Variants in PEF1 observed in about 807,000 individuals in gnomAD.
PEF1 encodes the protein peflin.
PEF1 carries 17 observed loss-of-function variants against 32.0 expected under a neutral mutation model. The observed-to-expected ratio is 0.53, with a 90% CI of 0.36 to 0.80. The LOEUF (loss-of-function observed/expected upper bound fraction) is 0.80. Ranked by LOEUF, PEF1 falls within the 30% of genes least tolerant of loss-of-function variation. The pLI is 0.00. For synonymous variants in PEF1, 130 were observed against 139.8 expected (o/e 0.93, Z 0.50); for missense variants, 362 against 369.1 (o/e 0.98, Z 0.16).
At chr1:31,635,614 TC>T (rs1288324530) in intron 1 of PEF1, 92 bp from the exon 2 acceptor site, 5 of 1,206,310 alleles carry the variant, frequency 4.1e-6, no homozygotes, top group African/African-American at 1.6e-5. Context: ...TCCACCACCA[TC>T]CTTTCAACTG....
intron 2 of PEF1, 79 bp downstream of exon 2, chr1:31,635,143 C>A: frequency 6.5e-7 from 1 of 1,547,640 alleles, no homozygotes; most frequent in South Asian, 1.2e-5. Flanking sequence ...TGCCTGCACA[C>A]CCACAGGAAG....
intron 1 of PEF1, among the ~76,000 whole-genome samples, chr1:31,641,308 C>T (rs1640385340): frequency 6.6e-6 from 1 of 152,164 alleles, no homozygotes; most frequent in Admixed American, 6.5e-5. Flanking sequence ...TCTCTTTAGC[C>T]TAGATTACCT....
At chr1:31,644,793 C>T (rs541852283) in intron 1 of PEF1, 48 bp downstream of exon 1, 1 of 1,612,862 alleles carries the variant, frequency 6.2e-7, no homozygotes, top group South Asian at 1.1e-5. Flanking sequence ...GTCGGGCCTG[C>T]GCCTGGCACC....
At chr1:31,635,776 A>G (rs368272884) in intron 1 of PEF1, among the ~76,000 whole-genome samples, 8 of 152,120 alleles carry the variant, frequency 5.3e-5, no homozygotes, top group Non-Finnish European at 1.0e-4. Context: ...TTTCCTGCAC[A>G]TCAAGGGGCT....
At chr1:31,644,342 G>A in intron 1 of PEF1, 1 of 980,698 alleles carries the variant, frequency 1.0e-6, no homozygotes, top group Non-Finnish European at 1.2e-6. Flanking sequence ...CACGCGAAAT[G>A]GCGGTGTTGA....
chr1:31,641,924 A>T (rs138734923), intron 1 of PEF1, among the ~76,000 whole-genome samples: 1 of 152,284 alleles, frequency 6.6e-6, no homozygotes, highest in East Asian at 1.9e-4. Context: ...TACTATTATG[A>T]CCCCATTCTA....
chr1:31,640,759 G>T (rs747205283), intron 1 of PEF1, among the ~76,000 whole-genome samples: 2 of 151,984 alleles, frequency 1.3e-5, no homozygotes, highest in Non-Finnish European at 2.9e-5. Flanking sequence ...CAGAAAGTCC[G>T]GTATTTTTTT....
chr1:31,631,095 G>C (rs1450080798), intron 4 of PEF1, among the ~76,000 whole-genome samples: 1 of 152,144 alleles, frequency 6.6e-6, no homozygotes, highest in Non-Finnish European at 1.5e-5. Context: ...CTTCAACTGA[G>C]GCTCAGGGGA....
At chr1:31,640,697 A>G (rs1171519308) in intron 1 of PEF1, among the ~76,000 whole-genome samples, 2 of 152,144 alleles carry the variant, frequency 1.3e-5, no homozygotes, top group Non-Finnish European at 2.9e-5. Context: ...TGGAATCTCT[A>G]CCTGCACTTG....
intron 2 of PEF1, among the ~76,000 whole-genome samples, chr1:31,633,977 C>A (rs566319631): frequency 4.4e-4 from 66 of 151,156 alleles, no homozygotes; most frequent in East Asian, 9.7e-4. Flanking sequence ...AACAAAAAAA[C>A]CCAAAAAAAA....
intron 1 of PEF1, among the ~76,000 whole-genome samples, chr1:31,637,468 G>A (rs938239438): frequency 6.6e-6 from 1 of 151,900 alleles, no homozygotes; most frequent in African/African-American, 2.4e-5. Flanking sequence ...AACATAGTAA[G>A]ATCCCACCTC....
At position 31,630,572 on chromosome 1, in the gene PEF1, G is replaced by A; in HGVS notation, c.*41C>T. 1 of 1,577,396 alleles carries A rather than the reference G, an allele frequency of 6.3e-7. No individual in the cohort carries two copies. The highest frequency in any genetic ancestry group is 1.1e-5 in the South Asian group (1 of 89,438). On this transcript the variant is annotated 3_prime_UTR_variant, in exon 5 of 5. Transcript: ENST00000373703. ...TACTTCTCTCACTCTAAGAAGCCAG[G>A]AAAGGTCCCTGGTGCACTCCACTCT... is the stretch of plus-strand genomic sequence containing the variant.
intron 1 of PEF1, among the ~76,000 whole-genome samples, chr1:31,643,667 C>T (rs1640466838): frequency 6.6e-6 from 1 of 152,200 alleles, no homozygotes; most frequent in African/African-American, 2.4e-5. Flanking sequence ...GAGGTCCAAA[C>T]ACTGTGTAAC....
At chr1:31,634,125 C>A (rs912127186) in intron 2 of PEF1, among the ~76,000 whole-genome samples, 31 of 152,086 alleles carry the variant, frequency 2.0e-4, no homozygotes, top group African/African-American at 7.5e-4. Flanking sequence ...CCAGTAAGGA[C>A]AGAGGGAAAA....
chr1:31,632,803 C>T (rs192882158), intron 3 of PEF1, among the ~76,000 whole-genome samples, 165 bp from the exon 4 acceptor site: 37 of 152,296 alleles, frequency 2.4e-4, no homozygotes, highest in African/African-American at 7.7e-4. Flanking sequence ...CCACATCAAG[C>T]GTTGCACCGT....
chr1:31,633,063 TC>T, intron 3 of PEF1, 95 bp downstream of exon 3: 4 of 1,398,196 alleles, frequency 2.9e-6, no homozygotes, highest in Non-Finnish European at 3.9e-6. Context: ...TCAATGAATT[TC>T]TCTTCAGAAT....
In PEF1 at chr1:31,630,399, C is replaced by T. The variant is rs144180108; in HGVS notation, c.*214G>A. 2.1e-3 allele frequency: 1,241 copies of T among 581,854 alleles called. 7 individuals are homozygous for T. The highest frequency in any genetic ancestry group is 0.02 in the African/African-American group (1,068 of 53,636). 36.0% of individuals were successfully genotyped at this position (581,854 alleles called of 1,614,324 possible). A position where few individuals can be genotyped will look rare whatever the true frequency, so the allele number is the denominator to read the frequency against. On this transcript the variant is annotated 3_prime_UTR_variant, in exon 5 of 5. Coordinates refer to ENST00000373703, the MANE Select transcript of PEF1 (RefSeq NM_012392.4). ...GACATTCAACTTCTATCCTCTCCTCCATCAGGCCCCTATCTGTGTGGCCTC... is the reference window on the plus strand; with the variant it reads ...GACATTCAACTTCTATCCTCTCCTCTATCAGGCCCCTATCTGTGTGGCCTC...
At chr1:31,633,124 C>T (rs1394382425) in intron 3 of PEF1, 35 bp downstream of exon 3, 1 of 1,593,368 alleles carries the variant, frequency 6.3e-7, no homozygotes, top group South Asian at 1.1e-5. Flanking sequence ...GTGGCTCTGC[C>T]CCAGCTCAGG....
chr1:31,638,334 C>T (rs1050294810), intron 1 of PEF1, among the ~76,000 whole-genome samples: 1 of 152,140 alleles, frequency 6.6e-6, no homozygotes, highest in Non-Finnish European at 1.5e-5. Flanking sequence ...AAGGCTGGAC[C>T]ACTCCCTTGC....
Sources: allele counts gnomAD v4.1 joint callset (sites outside exome capture counted in the v4.1 genomes callset), GRCh38; gene constraint gnomAD v4.1.1; transcripts MANE v1.5; gene names NCBI Gene and HGNC (gene_info 2026-07-23, HGNC 2026-07-21).